ACVR2A: variants seen among roughly 807,000 people sequenced by gnomAD.
ACVR2A encodes activin A receptor type 2A.
A neutral mutation model predicts 61.4 loss-of-function variants in ACVR2A; 7 were observed. The ratio of observed to expected loss-of-function variants is 0.11; its 90% CI spans 0.06 to 0.21. ACVR2A has a LOEUF of 0.21. ACVR2A is among the 10% of genes least tolerant of loss of function. The pLI, the probability that ACVR2A is intolerant of heterozygous loss-of-function variation, is 1.00. For synonymous variants in ACVR2A, 193 were observed against 208.3 expected (o/e 0.93, Z 0.63); for missense variants, 322 against 621.7 (o/e 0.52, Z 5.13).
rs1031759891 is a variant in ACVR2A, at chr2:147,907,933, G to A, written c.529-7258G>A. 4.6e-5 allele frequency among the ~76,000 whole-genome samples: 7 copies of A among 151,630 alleles called. No homozygotes were observed. The South Asian group carries it at 1.0e-3, about 23-fold the overall frequency. On this transcript the variant is annotated intron_variant, in intron 4 of 10. Transcript: ENST00000241416. ...GCACACCTGTAATCCCAGCTACTTC[G>A]GAGGCTGAGGTGGGAGAATTGCTTG...
At position 147,872,354 on chromosome 2, in the gene ACVR2A, C is replaced by T. The variant is rs185875009; in HGVS notation, c.56-23947C>T. Among the ~76,000 whole-genome samples, 93 of 151,856 alleles carry T rather than the reference C, an allele frequency of 6.1e-4. No homozygotes were observed. The Middle Eastern group carries it at 0.014, about 22-fold the overall frequency. ...TTGATTTAAAGCATTGATAGCTTAC[C>T]TTATGTTGTGCTTCATATTTTCAGA... On this transcript the variant is annotated intron_variant, in intron 1 of 10. Coordinates refer to ENST00000241416, the MANE Select transcript of ACVR2A (RefSeq NM_001616.5).
intron 1 of ACVR2A, among the ~76,000 whole-genome samples, chr2:147,853,245 T>C (rs1280749357): frequency 6.6e-6 from 1 of 152,122 alleles, no homozygotes; most frequent in Non-Finnish European, 1.5e-5. Context: ...TAATAAAACA[T>C]GATAACGTAA....
chr2:147,864,377 G>A (rs374455409), intron 1 of ACVR2A, among the ~76,000 whole-genome samples: 3 of 151,918 alleles, frequency 2.0e-5, no homozygotes, highest in African/African-American at 7.3e-5. Flanking sequence ...TTACATGCGC[G>A]CTCTACAACG....
intron 1 of ACVR2A, among the ~76,000 whole-genome samples, chr2:147,853,831 C>T (rs936543747): frequency 7.9e-5 from 12 of 152,018 alleles, no homozygotes; most frequent in Admixed American, 7.9e-4. Context: ...ATCTTCATAA[C>T]TATATGTGAT....
intron 9 of ACVR2A, among the ~76,000 whole-genome samples, chr2:147,924,697 G>C (rs1188316107): frequency 6.6e-6 from 1 of 151,926 alleles, no homozygotes; most frequent in Non-Finnish European, 1.5e-5. Flanking sequence ...GCTTTCACGT[G>C]TGTTGATGGT....
intron 1 of ACVR2A, among the ~76,000 whole-genome samples, chr2:147,862,831 C>T (rs1685761286): frequency 6.6e-6 from 1 of 152,130 alleles, no homozygotes. Flanking sequence ...TTTCACATTA[C>T]TACATTACTT....
intron 9 of ACVR2A, chr2:147,925,721 T>A (rs1478073861): frequency 4.6e-6 from 1 of 218,786 alleles, no homozygotes; most frequent in Non-Finnish European, 8.9e-6. Flanking sequence ...ATAACGTTAA[T>A]TTACAAATAC....
rs148586010 is a variant in ACVR2A at position 147,876,022 on chromosome 2, C to T, written c.56-20279C>T. Among the ~76,000 whole-genome samples the T allele has an allele frequency of 1.2e-4, 18 of 152,152 alleles. 1 individual carries two copies. In the East Asian group the frequency reaches 3.3e-3, roughly 28 times the overall value. ...AACAGGGAAGCAGAAATAGAATAGACAGTGTACTTCTGTTAAGAAAAAGTA... is the reference window on the plus strand; with the variant it reads ...AACAGGGAAGCAGAAATAGAATAGATAGTGTACTTCTGTTAAGAAAAAGTA... On this transcript the variant is annotated intron_variant, in intron 1 of 10. Coordinates refer to ENST00000241416, the MANE Select transcript of ACVR2A (RefSeq NM_001616.5).
chr2:147,878,241 C>T (rs568025458), intron 1 of ACVR2A, among the ~76,000 whole-genome samples: 25 of 152,006 alleles, frequency 1.6e-4, no homozygotes, highest in African/African-American at 5.8e-4. Context: ...TAATTGTAAA[C>T]GTGAAAGATT....
At chr2:147,883,382 C>T (rs549220358) in intron 1 of ACVR2A, among the ~76,000 whole-genome samples, 66 of 152,116 alleles carry the variant, frequency 4.3e-4, no homozygotes, top group African/African-American at 1.4e-3. Flanking sequence ...GTAGAGACAG[C>T]GTTTTGCCAT....
At chr2:147,848,663 G>A (rs1435598443) in intron 1 of ACVR2A, among the ~76,000 whole-genome samples, 1 of 152,172 alleles carries the variant, frequency 6.6e-6, no homozygotes, top group East Asian at 1.9e-4. Context: ...ACTCAAGGAT[G>A]GAGGGTGGGA....
intron 1 of ACVR2A, among the ~76,000 whole-genome samples, chr2:147,860,984 A>T (rs1459675696): frequency 6.6e-6 from 1 of 152,196 alleles, no homozygotes; most frequent in Non-Finnish European, 1.5e-5. Context: ...TGTTCAGCTT[A>T]GGTTAAGAGT....
At chr2:147,845,352 C>T (rs947357025) in intron 1 of ACVR2A, 145 bp downstream of exon 1, 4 of 519,012 alleles carry the variant, frequency 7.7e-6, no homozygotes, top group South Asian at 2.6e-5. Context: ...GCCACCGCCC[C>T]CCCCCCCCGC....
intron 9 of ACVR2A, among the ~76,000 whole-genome samples, chr2:147,923,730 G>T (rs1298473531): frequency 6.6e-6 from 1 of 152,024 alleles, no homozygotes; most frequent in Non-Finnish European, 1.5e-5. Flanking sequence ...GTATGTTGCA[G>T]CATTTTTTGT....
At chr2:147,909,476 T>C (rs1573700587) in intron 4 of ACVR2A, among the ~76,000 whole-genome samples, 1 of 152,194 alleles carries the variant, frequency 6.6e-6, no homozygotes, top group African/African-American at 2.4e-5. Flanking sequence ...AACAAATCTT[T>C]TTCTCACCTA....
chr2:147,916,066 T>G (rs1352248857), intron 5 of ACVR2A, among the ~76,000 whole-genome samples: 1 of 151,946 alleles, frequency 6.6e-6, no homozygotes, highest in Non-Finnish European at 1.5e-5. Flanking sequence ...AGTGGATGTT[T>G]CTTTTTCCAA....
chr2:147,896,365 C>G lies in ACVR2A; in HGVS notation c.120C>G (p.Asp40Glu). 6.2e-7 allele frequency: 1 copy of G among 1,613,836 alleles called. No individual in the cohort carries two copies. The highest frequency in any genetic ancestry group is 8.5e-7 in the Non-Finnish European group (1 of 1,179,852). ...TCTTTAATGCTAATTGGGAAAAAGA[C>G]AGAACCAATCAAACTGGTGTTGAAC... The part of the protein sequence containing the change: ...CLFFNANWEK[D>E]RTNQTGVEPC... Residue 40 changes from aspartate (D) to glutamate (E), a missense_variant, in exon 2 of 11, where the codon GAC (aspartate) becomes GAG (glutamate). Asp to Glu is a conservative substitution (Grantham distance 45, BLOSUM62 2). This residue lies in a region of ACVR2A where 142 missense variants were observed against 200.3 expected (regional missense o/e 0.71). Coordinates refer to ENST00000241416, the MANE Select transcript of ACVR2A (RefSeq NM_001616.5).
intron 8 of ACVR2A, among the ~76,000 whole-genome samples, chr2:147,920,655 T>G (rs1381286726): frequency 6.6e-6 from 1 of 152,174 alleles, no homozygotes; most frequent in Non-Finnish European, 1.5e-5. Flanking sequence ...CTCCGTAGTT[T>G]TAGTCTGTTA....
chr2:147,912,185 T>C (rs1687136075), intron 4 of ACVR2A, among the ~76,000 whole-genome samples: 1 of 151,950 alleles, frequency 6.6e-6, no homozygotes, highest in Non-Finnish European at 1.5e-5. Context: ...GTTATAGTAA[T>C]GATATTGGGT....
Sources: gnomAD v4.1 joint callset for allele counts (sites outside exome capture counted in the v4.1 genomes callset) on GRCh38, gnomAD v4.1.1 for gene constraint, gnomAD v4.1.1 regional missense constraint, MANE v1.5 for transcripts, NCBI Gene and HGNC (gene_info 2026-07-23, HGNC 2026-07-21) for gene names.